Variants in GPR137 observed in about 807,000 individuals in gnomAD.
GPR137 encodes the protein G protein-coupled receptor 137, also known as integral membrane protein GPR137.
GPR137 carries 20 observed loss-of-function variants against 38.9 expected under a neutral mutation model. The ratio of observed to expected loss-of-function variants is 0.51; its 90% confidence interval spans 0.36 to 0.75. GPR137 has a LOEUF of 0.75. GPR137 is among the 30% of genes least tolerant of loss of function. GPR137 has a pLI of 0.00. For synonymous variants in GPR137, 226 were observed against 235.8 expected (o/e 0.96, Z 0.38); for missense variants, 456 against 526.4 (o/e 0.87, Z 1.31).
Position 64,288,751 on chromosome 11 carries a change from C to T in GPR137, c.1031+30C>T. The T allele has an allele frequency of 6.7e-7, 1 of 1,496,602 alleles. No individual in the cohort carries two copies. The highest frequency in any genetic ancestry group is 8.9e-7 in the Non-Finnish European group (1 of 1,118,486). The allele number at this position is 1,496,602 out of a possible 1,614,324, so 92.7% of individuals were successfully genotyped here. A position where few individuals can be genotyped will look rare whatever the true frequency, so the allele number is the denominator to read the frequency against. On this transcript the variant is annotated intron_variant, in intron 6 of 6. Coordinates refer to ENST00000438980, the MANE Select transcript of GPR137 (RefSeq NM_001170880.2). This position sits in a 1 kb window ranked among gnomAD's most constrained non-coding sequence, Gnocchi z 5.5. The stretch of plus-strand genomic sequence containing the variant: ...GAGCCGTGGCACTGCCTCAGTACCC[C>T]TGCCCTACCCGCCCACCCCGCTGGC...
upstream of GPR137, among the ~76,000 whole-genome samples, chr11:64,273,775 G>A (rs939943843): frequency 1.1e-4 from 17 of 150,114 alleles, no homozygotes; most frequent in African/African-American, 3.4e-4. Flanking sequence ...CCAGCTACTC[G>A]GGAGGCTGAA....
chr11:64,288,163 C>G lies in GPR137; in HGVS notation c.732C>G (p.Pro244=), dbSNP rs1467973022. The G allele has an allele frequency of 2.5e-6, 4 of 1,613,174 alleles. No individual in the cohort carries two copies. The highest frequency in any genetic ancestry group is 8.5e-7 in the Non-Finnish European group (1 of 1,180,006). ...CYNLTALALA[P]QSRLDTFDYD... ...ACCTGACAGCACTGGCCTTGGCCCC[C>G]CAGAGCCGGCTGGACACCTTCGATT... is the stretch of plus-strand genomic sequence containing the variant. The change falls in exon 4 of 7, where the codon CCC becomes CCG. Residue 244 remains proline, a synonymous_variant. Coordinates refer to ENST00000438980, the MANE Select transcript of GPR137 (RefSeq NM_001170880.2). This position sits in a 1 kb window ranked among gnomAD's most constrained non-coding sequence, Gnocchi z 5.5.
rs754221988 is a variant in GPR137, at chr11:64,286,958, C to T, written c.358-7C>T. 1 of 1,613,910 alleles carries T rather than the reference C, an allele frequency of 6.2e-7. No homozygotes were observed. The highest frequency in any genetic ancestry group is 8.5e-7 in the Non-Finnish European group (1 of 1,179,994). On this transcript the variant is annotated splice_polypyrimidine_tract_variant and splice_region_variant and intron_variant, in intron 1 of 6. Coordinates refer to ENST00000438980, the MANE Select transcript of GPR137 (RefSeq NM_001170880.2). Reference sequence around the variant, plus strand: ...CCCACAGGAGTGAAGGGCATCTCTGCTCCTAGGTGGTGTTCAAGGCCAAGG... The same window carrying T: ...CCCACAGGAGTGAAGGGCATCTCTGTTCCTAGGTGGTGTTCAAGGCCAAGG...
At chr11:64,280,880 C>G (rs551860263), upstream of GPR137, among the ~76,000 whole-genome samples, 1 of 150,428 alleles carries the variant, frequency 6.6e-6, no homozygotes, top group Non-Finnish European at 1.5e-5. Flanking sequence ...GTTGGCCAGG[C>G]TGTTCTTGAA....
chr11:64,286,552 C>T lies in GPR137; in HGVS notation c.28C>T (p.Pro10Ser), dbSNP rs1175813799. 2 of 1,612,342 alleles carry T rather than the reference C, an allele frequency of 1.2e-6. No individual in the cohort carries two copies. The highest frequency in any genetic ancestry group is 1.7e-6 in the Non-Finnish European group (2 of 1,178,830). Residue 10 changes from proline to serine, a missense_variant, in exon 1 of 7, where the codon CCT (proline) becomes TCT (serine). By Grantham distance (74) the Pro-to-Ser change is moderately conservative (BLOSUM62 -1). Coordinates refer to ENST00000438980, the MANE Select transcript of GPR137 (RefSeq NM_001170880.2). The part of the protein sequence containing the change: MESNLSGLV[P>S]AAGLVPALPP... Reference sequence around the variant, plus strand: ...GGAGAGTAACCTGTCTGGCCTGGTGCCTGCTGCCGGGCTGGTGCCTGCGCT... The same window carrying T: ...GGAGAGTAACCTGTCTGGCCTGGTGTCTGCTGCCGGGCTGGTGCCTGCGCT...
At chr11:64,284,306 G>A (rs769270284), upstream of GPR137, 6 of 1,612,336 alleles carry the variant, frequency 3.7e-6, no homozygotes, top group Non-Finnish European at 5.1e-6. Flanking sequence ...TGGGGCCCAG[G>A]CCCCTCTCTG....
chr11:64,274,218 C>T (rs549533700), upstream of GPR137, among the ~76,000 whole-genome samples: 4 of 151,262 alleles, frequency 2.6e-5, no homozygotes, highest in East Asian at 7.9e-4. Context: ...GAAACCCCAT[C>T]TGTACTAAAA....
At chr11:64,278,707 G>A (rs2033229694) in intron 2 of GPR137, among the ~76,000 whole-genome samples, 1 of 152,180 alleles carries the variant, frequency 6.6e-6, no homozygotes, top group South Asian at 2.1e-4. Context: ...GTCCACACCT[G>A]TTTCAGACAC....
At chr11:64,278,439 T>C (rs538678079) in intron 2 of GPR137, among the ~76,000 whole-genome samples, 2 of 151,032 alleles carry the variant, frequency 1.3e-5, no homozygotes, top group Non-Finnish European at 2.9e-5. Context: ...GTTCTAATAA[T>C]AAGAGCCGCA....
exon 1 of GPR137, chr11:64,270,602 G>A: frequency 1.5e-6 from 1 of 681,096 alleles, no homozygotes; most frequent in Admixed American, 2.0e-5. Context: ...GGCCAGAGCT[G>A]GAGACCTAGC....
chr11:64,287,721 G>A lies in GPR137; in HGVS notation c.408G>A (p.Leu136=). The A allele has an allele frequency of 1.2e-6, 2 of 1,603,732 alleles. No homozygotes were observed. The highest frequency in any genetic ancestry group is 1.7e-6 in the Non-Finnish European group (2 of 1,179,868). The change falls in exon 3 of 7, where the codon TTG becomes TTA. Residue 136 remains leucine (L), a splice_region_variant and synonymous_variant. Transcript: ENST00000438980. ...VKRRPEMSRG[L]LAVRGAFVGA... Reference sequence around the variant, plus strand: ...CGCGCTGACTGTGCTGTGGCTGCAGGCTCGCTGTCCGAGGGGCCTTTGTGG... The same window carrying A: ...CGCGCTGACTGTGCTGTGGCTGCAGACTCGCTGTCCGAGGGGCCTTTGTGG...
chr11:64,277,458 G>A (rs746931294), intron 2 of GPR137, among the ~76,000 whole-genome samples: 9 of 152,184 alleles, frequency 5.9e-5, no homozygotes, highest in Admixed American at 2.6e-4. Context: ...AAAAAACAGC[G>A]ACAGGGTCTC....
chr11:64,286,470 TC>T lies in GPR137; in HGVS notation c.-52del. 6.4e-7 allele frequency: 1 copy of T among 1,559,148 alleles called. No homozygotes were observed. The highest frequency in any genetic ancestry group is 8.7e-7 in the Non-Finnish European group (1 of 1,150,504). ...CACCCCTCCGTATTTATTTCCCTGG[TC>T]CCGCCGACAGTCCCTCCTTGTCTGT... is the stretch of plus-strand genomic sequence containing the variant. On this transcript the variant is annotated 5_prime_UTR_variant, in exon 1 of 7. Transcript: ENST00000438980.
chr11:64,278,717 C>CTGGGCTGTG (rs1334364737), intron 2 of GPR137, among the ~76,000 whole-genome samples: 2 of 152,232 alleles, frequency 1.3e-5, no homozygotes, highest in African/African-American at 4.8e-5. Context: ...GTTTCAGACA[C>CTGGGCTGTG]TGGGCTGTGT....
chr11:64,276,824 C>T (rs1234593896), intron 2 of GPR137: 9 of 694,486 alleles, frequency 1.3e-5, no homozygotes, highest in East Asian at 1.1e-4. Flanking sequence ...TGCCATCCGC[C>T]TAGAGCCTGG....
upstream of GPR137, chr11:64,271,659 C>T (rs1370782023): frequency 6.6e-7 from 1 of 1,509,586 alleles, no homozygotes; most frequent in Non-Finnish European, 8.9e-7. Flanking sequence ...GAGCTCGCGG[C>T]CATAGCGCTG....
chr11:64,285,539 G>T (rs1371424237), upstream of GPR137: 1 of 984,930 alleles, frequency 1.0e-6, no homozygotes, highest in Non-Finnish European at 1.2e-6. Flanking sequence ...TGCCGCCCCC[G>T]GCCGGGCGGC....
Position 64,286,436 on chromosome 11 carries a change from T to G in GPR137, c.-89T>G. The G allele has an allele frequency of 6.5e-7, 1 of 1,528,802 alleles. No homozygotes were observed. 94.7% of individuals were successfully genotyped at this position (1,528,802 alleles called of 1,614,324 possible). A position where few individuals can be genotyped will look rare whatever the true frequency, so the allele number is the denominator to read the frequency against. On this transcript the variant is annotated 5_prime_UTR_variant, in exon 1 of 7. Transcript: ENST00000438980. Reference sequence around the variant, plus strand: ...GCGCCCCATCTCCCTCTCTGCACCCTGCAATTCCCACCCCTCCGTATTTAT... The same window carrying G: ...GCGCCCCATCTCCCTCTCTGCACCCGGCAATTCCCACCCCTCCGTATTTAT...
upstream of GPR137, among the ~76,000 whole-genome samples, chr11:64,282,324 G>A (rs1192957870): frequency 2.0e-5 from 3 of 152,230 alleles, no homozygotes; most frequent in Non-Finnish European, 2.9e-5. Flanking sequence ...TGTGGAGGCT[G>A]AGCATGGTGG....
Sources: gnomAD v4.1 joint callset for allele counts (sites outside exome capture counted in the v4.1 genomes callset) on GRCh38, gnomAD v4.1.1 for gene constraint, Gnocchi (gnomAD v3.1) non-coding constraint, MANE v1.5 for transcripts, NCBI Gene and HGNC (gene_info 2026-07-23, HGNC 2026-07-21) for gene names.